The following CDC25B variants were observed in gnomAD, a reference collection of about 807,000 sequenced individuals.
CDC25B encodes cell division cycle 25B.
A neutral mutation model predicts 69.8 loss-of-function variants in CDC25B; 33 were observed. The observed-to-expected ratio is 0.47, with a 90% CI of 0.36 to 0.63. The LOEUF (loss-of-function observed/expected upper bound fraction) is 0.63. Ranked by LOEUF, CDC25B falls within the 30% of genes least tolerant of loss-of-function variation. CDC25B has a pLI of 0.00. For synonymous variants in CDC25B, 341 were observed against 314.6 expected, an observed-to-expected ratio of 1.08 and a Z score of -0.89; for missense variants, 727 against 809.1, an observed-to-expected ratio of 0.90 and a Z score of 1.23.
chr20:3,801,482 T>C, intron 8 of CDC25B, 94 bp downstream of exon 8: 1 of 1,412,580 alleles, frequency 7.1e-7, no homozygotes, highest in Non-Finnish European at 9.6e-7. Context: ...GACCATGATG[T>C]CATTCCAGTG....
At chr20:3,790,376 ATTT>A (rs1172663396) in intron 1 of CDC25B, among the ~76,000 whole-genome samples, 3 of 125,716 alleles carry the variant, frequency 2.4e-5, no homozygotes, top group Non-Finnish European at 3.4e-5. Flanking sequence ...CCATTTTGGA[ATTT>A]TTTTTTTTTT....
chr20:3,799,534 G>GCGCGCT lies in CDC25B; in HGVS notation c.381-750_381-749insCTCGCG, dbSNP rs1187727448. On this transcript the variant is annotated intron_variant, in intron 3 of 15. Coordinates refer to ENST00000245960, the MANE Select transcript of CDC25B (RefSeq NM_021873.4). ...TGTGTGTGTGTGTGTGTGCGCGCGC[G>GCGCGCT]CGCGTAGATGCACAAAAGCTCCGCG... Among the ~76,000 whole-genome samples the GCGCGCT allele has an allele frequency of 3.8e-3, 576 of 150,986 alleles. 7 individuals are homozygous for GCGCGCT. The highest frequency in any genetic ancestry group is 0.013 in the African/African-American group (532 of 40,808).
chr20:3,797,781 CTG>C (rs2089118804), intron 2 of CDC25B, 32 bp downstream of exon 2: 1 of 1,612,052 alleles, frequency 6.2e-7, no homozygotes, highest in Non-Finnish European at 8.5e-7. Context: ...GGAGATCTGC[CTG>C]TGTCAGGAGA....
upstream of CDC25B, among the ~76,000 whole-genome samples, chr20:3,794,893 C>A (rs2088985855): frequency 6.6e-6 from 1 of 152,146 alleles, no homozygotes; most frequent in African/African-American, 2.4e-5. Flanking sequence ...GGTACTCCTG[C>A]CTTGCTGAGC....
chr20:3,802,587 G>A, intron 11 of CDC25B: 1 of 600,748 alleles, frequency 1.7e-6, no homozygotes, highest in Non-Finnish European at 3.0e-6. Context: ...CCAGGCATCT[G>A]TTGAGTCTCC....
intron 1 of CDC25B, 61 bp from the exon 2 acceptor site, chr20:3,797,561 A>T: frequency 6.3e-7 from 1 of 1,597,044 alleles, no homozygotes; most frequent in Non-Finnish European, 8.5e-7. Flanking sequence ...AACGTGGGCT[A>T]GCCAGGCCTT....
At chr20:3,802,409 G>A in intron 11 of CDC25B, 33 bp downstream of exon 11, 1 of 1,495,114 alleles carries the variant, frequency 6.7e-7, no homozygotes, top group Non-Finnish European at 9.2e-7. Flanking sequence ...TACCTTGGGG[G>A]CTTGACCTCT....
intron 8 of CDC25B, 41 bp downstream of exon 8, chr20:3,801,429 C>G: frequency 6.4e-7 from 1 of 1,551,782 alleles, no homozygotes; most frequent in South Asian, 1.2e-5. Context: ...CTTCCTATCC[C>G]TGGGTTCGCC....
intron 1 of CDC25B, among the ~76,000 whole-genome samples, chr20:3,790,936 G>T (rs1381201236): frequency 6.6e-6 from 1 of 151,858 alleles, no homozygotes; most frequent in Non-Finnish European, 1.5e-5. Flanking sequence ...GAACTCCTGA[G>T]CTCAAGCGAG....
intron 6 of CDC25B, 25 bp downstream of exon 6, chr20:3,800,890 G>A: frequency 6.2e-7 from 1 of 1,613,218 alleles, no homozygotes. Context: ...GGCCGGGGTG[G>A]GAGCTCTCCG....
rs1213589635 is a variant in CDC25B at position 3,797,895 on chromosome 20, A to G, written c.328+146A>G. On this transcript the variant is annotated intron_variant, in intron 2 of 15. Coordinates refer to ENST00000245960, the MANE Select transcript of CDC25B (RefSeq NM_021873.4). ...GGAGCCTCTCCCCCACCCTCCACAGAAATGGGAGGAAGACACACCTCTTGT... is the reference window on the plus strand; with the variant it reads ...GGAGCCTCTCCCCCACCCTCCACAGGAATGGGAGGAAGACACACCTCTTGT... 4 of 974,532 alleles carry G rather than the reference A, an allele frequency of 4.1e-6. No homozygotes were observed. The East Asian group carries it at 9.8e-5, about 24-fold the overall frequency. 60.4% of individuals were successfully genotyped at this position (974,532 alleles called of 1,614,324 possible).
intron 1 of CDC25B, among the ~76,000 whole-genome samples, chr20:3,790,063 G>A (rs1223334738): frequency 2.0e-5 from 3 of 152,068 alleles, no homozygotes; most frequent in African/African-American, 2.4e-5. Context: ...GGGGTGGGCC[G>A]GAGGATCACC....
chr20:3,791,373 G>C (rs534597259), upstream of CDC25B, among the ~76,000 whole-genome samples: 1 of 152,228 alleles, frequency 6.6e-6, no homozygotes, highest in Non-Finnish European at 1.5e-5. Flanking sequence ...ATTCAAGAAA[G>C]GGAAAAGGAG....
Position 3,804,597 on chromosome 20 carries a change from G to A in CDC25B, c.1519G>A (p.Ala507Thr), listed in dbSNP as rs1236174031. 1.9e-6 allele frequency: 3 copies of A among 1,613,916 alleles called. No homozygotes were observed. The highest frequency in any genetic ancestry group is 1.3e-5 in the African/African-American group (1 of 74,928). The change falls in exon 15 of 16, where the codon GCT (alanine) becomes ACT (threonine). Residue 507 changes from alanine to threonine, a missense_variant. This residue lies in a region of CDC25B where 359 missense variants were observed against 463.4 expected (regional missense o/e 0.77). Coordinates refer to ENST00000245960, the MANE Select transcript of CDC25B (RefSeq NM_021873.4). ...CCGTTTCATCAGGGAACGAGACCGT[G>A]CTGTCAACGACTACCCCAGCCTCTA... ...MCRFIRERDR[A>T]VNDYPSLYYP...
At chr20:3,794,188 G>T (rs193069835), upstream of CDC25B, among the ~76,000 whole-genome samples, 9 of 150,924 alleles carry the variant, frequency 6.0e-5, no homozygotes, top group Middle Eastern at 3.4e-3. Context: ...ACTTCCACAA[G>T]GGTTGAACTA....
At chr20:3,795,999 G>C, upstream of CDC25B, 1 of 989,430 alleles carries the variant, frequency 1.0e-6, no homozygotes, top group Non-Finnish European at 1.2e-6. Context: ...GACATGCCGC[G>C]GGGGGTCCTG....
At position 3,802,026 on chromosome 20, in the gene CDC25B, A is replaced by G. The variant is rs912667905; in HGVS notation, c.1024A>G (p.Arg342Gly). The change falls in exon 10 of 16, where the codon AGG becomes GGG. Residue 342 changes from arginine to glycine, a missense_variant. By Grantham distance (125) the Arg-to-Gly change is moderately radical. Coordinates refer to ENST00000245960, the MANE Select transcript of CDC25B (RefSeq NM_021873.4). Reference sequence around the variant, plus strand: ...CAAGAGGCTGGAGCGGCCCCAGGACAGGGACACGCCCGTGCAGAATAAGCG... The same window carrying G: ...CAAGAGGCTGGAGCGGCCCCAGGACGGGGACACGCCCGTGCAGAATAAGCG... ...ILKRLERPQD[R>G]DTPVQNKRRR... is the part of the protein sequence containing the mutation. The G allele has an allele frequency of 6.3e-7, 1 of 1,588,362 alleles. No homozygotes were observed. Among genetic ancestry groups the G allele is most frequent in the African/African-American group, 1.3e-5 (1 of 74,238 alleles).
upstream of CDC25B, chr20:3,796,122 G>C: frequency 1.9e-6 from 2 of 1,041,166 alleles, no homozygotes; most frequent in South Asian, 3.6e-5. Flanking sequence ...GATGTGCGAG[G>C]GTGTGGGATA....
chr20:3,800,564 A>T, intron 5 of CDC25B, 66 bp downstream of exon 5: 1 of 1,595,672 alleles, frequency 6.3e-7, no homozygotes, highest in Non-Finnish European at 8.6e-7. Context: ...GATGAGCAGG[A>T]TGCATTCAGG....
Sources: gnomAD v4.1 joint callset for allele counts (sites outside exome capture counted in the v4.1 genomes callset) on GRCh38, gnomAD v4.1.1 for gene constraint, gnomAD v4.1.1 regional missense constraint, MANE v1.5 for transcripts, NCBI Gene and HGNC (gene_info 2026-07-23, HGNC 2026-07-21) for gene names.